The following PC variants were observed in gnomAD, a reference collection of about 807,000 sequenced individuals.
The protein encoded by PC is pyruvate carboxylase.
PC carries 46 observed loss-of-function variants against 107.8 expected under a neutral mutation model. That is an observed-to-expected ratio of 0.43 (90% CI 0.34 to 0.55). The LOEUF (loss-of-function observed/expected upper bound fraction) is 0.55, where lower values mean the gene tolerates loss of function less well. PC is among the 20% of genes least tolerant of loss of function. The pLI is 0.04. For missense variants in PC, 1,241 were observed against 1,643.1 expected, an observed-to-expected ratio of 0.76 and a Z score of 4.23; for synonymous variants, 662 against 684.7, an observed-to-expected ratio of 0.97 and a Z score of 0.52.
At chr11:66,943,281 G>GA (rs140886046) in intron 3 of PC, among the ~76,000 whole-genome samples, 97 of 140,316 alleles carry the variant, frequency 6.9e-4, no homozygotes, top group Non-Finnish European at 7.4e-4. Flanking sequence ...GGAGTCGGAG[G>GA]AAAAAAAAAA....
At chr11:66,873,513 T>A (rs1946853762) in intron 3 of PC, among the ~76,000 whole-genome samples, 1 of 1,822 alleles carries the variant, frequency 5.5e-4, no homozygotes, top group African/African-American at 8.4e-4. Context: ...ATATTATATA[T>A]TATATTATAT....
chr11:66,954,634 G>T (rs945151403), intron 1 of PC, among the ~76,000 whole-genome samples, 198 bp from the exon 2 acceptor site: 19 of 152,186 alleles, frequency 1.2e-4, no homozygotes, highest in African/African-American at 4.1e-4. Context: ...AGAAGGCCAT[G>T]CTCATCCTCA....
chr11:66,849,556 G>C (rs1263728353), intron 21 of PC, 55 bp downstream of exon 21: 9 of 1,613,452 alleles, frequency 5.6e-6, no homozygotes, highest in Non-Finnish European at 7.6e-6. Context: ...CTAAACTCCA[G>C]AGCTCTGGGG....
intron 3 of PC, among the ~76,000 whole-genome samples, chr11:66,896,279 A>G (rs1394537608): frequency 6.6e-6 from 1 of 152,148 alleles, no homozygotes; most frequent in African/African-American, 2.4e-5. Context: ...GGGTTTCACC[A>G]TGTTGGCCAA....
At chr11:66,949,552 C>T (rs913040437) in intron 3 of PC, among the ~76,000 whole-genome samples, 2 of 151,890 alleles carry the variant, frequency 1.3e-5, no homozygotes, top group African/African-American at 4.8e-5. Context: ...AATTAGCCAG[C>T]ATGGTGGCGG....
intron 3 of PC, among the ~76,000 whole-genome samples, chr11:66,939,710 A>C (rs1167661521): frequency 6.8e-6 from 1 of 146,872 alleles, no homozygotes; most frequent in Non-Finnish European, 1.5e-5. Context: ...AGGCTGAGGC[A>C]GGAGAATCAC....
chr11:66,856,317 CCCGAGG>C (rs1232482131), intron 12 of PC, among the ~76,000 whole-genome samples: 2 of 152,176 alleles, frequency 1.3e-5, no homozygotes, highest in Non-Finnish European at 2.9e-5. Flanking sequence ...ACCAATCCGG[CCCGAGG>C]CGGAGGCCGG....
At chr11:66,878,101 G>C (rs1236304992) in intron 3 of PC, among the ~76,000 whole-genome samples, 1 of 152,168 alleles carries the variant, frequency 6.6e-6, no homozygotes, top group Non-Finnish European at 1.5e-5. Flanking sequence ...CCTTGGGTGG[G>C]AGGACTTGGC....
At chr11:66,948,052 T>TAGAC in intron 3 of PC, among the ~76,000 whole-genome samples, 1 of 149,798 alleles carries the variant, frequency 6.7e-6, no homozygotes, top group Admixed American at 6.7e-5. Flanking sequence ...GATAGATAGA[T>TAGAC]AGATAGATAG....
At position 66,852,154 on chromosome 11, in the gene PC, T is replaced by A. The variant is rs1945539031; in HGVS notation, c.1826-208A>T. Among the ~76,000 whole-genome samples the A allele has an allele frequency of 1.3e-5, 2 of 152,226 alleles. 1 individual carries two copies. Among genetic ancestry groups the A allele is most frequent in the South Asian group, 4.1e-4 (2 of 4,836 alleles). Reference sequence around the variant, plus strand: ...ACCAGGCTCATTTGTGTCCCTTCTATGCCCCCTTTATAATCCCATCTTCTC... The same window carrying A: ...ACCAGGCTCATTTGTGTCCCTTCTAAGCCCCCTTTATAATCCCATCTTCTC... On this transcript the variant is annotated intron_variant, in intron 15 of 22. Transcript: ENST00000393960. The surrounding 1 kb of genome is among the most constrained non-coding windows in gnomAD (Gnocchi z 4.7).
chr11:66,884,789 G>A (rs1947302783), intron 3 of PC, among the ~76,000 whole-genome samples: 1 of 152,236 alleles, frequency 6.6e-6, no homozygotes, highest in Non-Finnish European at 1.5e-5. Flanking sequence ...GACGCAGCCT[G>A]GCAATGGGAA....
At chr11:66,899,593 C>T (rs563409050) in intron 3 of PC, among the ~76,000 whole-genome samples, 2 of 152,074 alleles carry the variant, frequency 1.3e-5, no homozygotes, top group East Asian at 3.9e-4. Flanking sequence ...TCTTGAACTC[C>T]CAACCTCAAG....
rs144433540 is a variant in PC, at chr11:66,858,305, C to A, written c.1369-4922G>T. 4.3e-6 allele frequency: 7 copies of A among 1,610,310 alleles called. No homozygotes were observed. Among genetic ancestry groups the A allele is most frequent in the Admixed American group, 3.3e-5 (2 of 59,950 alleles). On this transcript the variant is annotated intron_variant, in intron 12 of 22. Transcript: ENST00000393960. This position sits in a 1 kb window ranked among gnomAD's most constrained non-coding sequence, Gnocchi z 5.9. The stretch of plus-strand genomic sequence containing the variant: ...ACCTTATTGACGCACTGCCCCCAGG[C>A]GCCTTCGCCCAGCTCGGTCAGCTCT...
rs2135937673 is a variant in PC, at chr11:66,870,803, C to T, written c.723G>A (p.Lys241=). Residue 241 remains lysine (K), a synonymous_variant, in exon 8 of 23, where the codon AAG becomes AAA. Transcript: ENST00000393960. The surrounding 1 kb of genome is among the most constrained non-coding windows in gnomAD (Gnocchi z 6.1). Reference sequence around the variant, plus strand: ...AGATCTGCACCTCGATGTGCCGTGGCTTCTCGATGAACTTCTCCACAAACA... The same window carrying T: ...AGATCTGCACCTCGATGTGCCGTGGTTTCTCGATGAACTTCTCCACAAACA... ...GALFVEKFIE[K]PRHIEVQILG... is the part of the protein sequence containing the mutation. 1 of 1,613,490 alleles carries T rather than the reference C, an allele frequency of 6.2e-7. No individual in the cohort carries two copies. The highest frequency in any genetic ancestry group is 8.5e-7 in the Non-Finnish European group (1 of 1,179,996).
intron 11 of PC, among the ~76,000 whole-genome samples, chr11:66,864,864 G>A (rs1008106971): frequency 3.9e-5 from 6 of 152,212 alleles, no homozygotes; most frequent in African/African-American, 1.4e-4. Context: ...AGGTAAGGAA[G>A]AAGGGGAGTG....
chr11:66,857,654 C>G lies in PC; in HGVS notation c.1369-4271G>C. 1 of 1,388,002 alleles carries G rather than the reference C, an allele frequency of 7.2e-7. No individual in the cohort carries two copies. The highest frequency in any genetic ancestry group is 9.6e-7 in the Non-Finnish European group (1 of 1,046,044). The allele number at this position is 1,388,002 out of a possible 1,614,324, so 86.0% of individuals were successfully genotyped here. A position where few individuals can be genotyped will look rare whatever the true frequency, so the allele number is the denominator to read the frequency against. On this transcript the variant is annotated intron_variant, in intron 12 of 22. Coordinates refer to ENST00000393960, the MANE Select transcript of PC (RefSeq NM_001040716.2). The surrounding 1 kb of genome is among the most constrained non-coding windows in gnomAD (Gnocchi z 7.1). ...CCTCCCCGGGCCAGGCTCACAGAAGCTGGCTTCTGGGACTGTCCTGGGCCC... is the reference window on the plus strand; with the variant it reads ...CCTCCCCGGGCCAGGCTCACAGAAGGTGGCTTCTGGGACTGTCCTGGGCCC...
intron 3 of PC, among the ~76,000 whole-genome samples, chr11:66,893,261 C>G (rs1947638956): frequency 6.6e-6 from 1 of 152,142 alleles, no homozygotes; most frequent in African/African-American, 2.4e-5. Flanking sequence ...AATTGGCAAA[C>G]ACTATAATCA....
In PC at chr11:66,866,625, C is replaced by A. The variant is rs914285347; in HGVS notation, c.1023-276G>T. The stretch of plus-strand genomic sequence containing the variant: ...ACCACCTGCTCCTGCATTCCTGACT[C>A]ACGGTGCCGTCCACACAGCCCTAAG... On this transcript the variant is annotated intron_variant, in intron 10 of 22. Transcript: ENST00000393960. This position sits in a 1 kb window ranked among gnomAD's most constrained non-coding sequence, Gnocchi z 5.4. Among the ~76,000 whole-genome samples, 6 of 152,214 alleles carry A rather than the reference C, an allele frequency of 3.9e-5. No homozygotes were observed. Among genetic ancestry groups the A allele is most frequent in the Admixed American group, 3.9e-4 (6 of 15,292 alleles).
At position 66,848,863 on chromosome 11, in the gene PC, G is replaced by A. The variant is rs752616894; in HGVS notation, c.*36C>T. On this transcript the variant is annotated 3_prime_UTR_variant, in exon 23 of 23. Coordinates refer to ENST00000393960, the MANE Select transcript of PC (RefSeq NM_001040716.2). Reference sequence around the variant, plus strand: ...CGTGGCAGCACAGCTTCTGTTGAAGGCTTGGGGATGGCCAGGCTGCCGGTC... The same window carrying A: ...CGTGGCAGCACAGCTTCTGTTGAAGACTTGGGGATGGCCAGGCTGCCGGTC... 2 of 1,612,900 alleles carry A rather than the reference G, an allele frequency of 1.2e-6. No homozygotes were observed. Among genetic ancestry groups the A allele is most frequent in the South Asian group, 2.2e-5 (2 of 91,020 alleles).
Sources: gnomAD v4.1 joint callset for allele counts (sites outside exome capture counted in the v4.1 genomes callset) on GRCh38, gnomAD v4.1.1 for gene constraint, Gnocchi (gnomAD v3.1) non-coding constraint, MANE v1.5 for transcripts, NCBI Gene and HGNC (gene_info 2026-07-23, HGNC 2026-07-21) for gene names.